BST1: variants seen among roughly 807,000 people sequenced by gnomAD.
BST1 encodes ADP-ribosyl cyclase/cyclic ADP-ribose hydrolase 2.
BST1 carries 49 observed loss-of-function variants against 40.6 expected under a neutral mutation model. The ratio of observed to expected loss-of-function variants is 1.21; its 90% CI spans 0.96 to 1.53. The LOEUF is 1.53. Among genes scored for constraint, BST1 ranks in the 40% most tolerant of loss-of-function variants. The pLI is 0.00. For synonymous variants in BST1, 157 were observed against 159.3 expected (o/e 0.99, Z 0.11); for missense variants, 423 against 395.9 (o/e 1.07, Z -0.58).
chr4:15,715,020 C>A (rs1244676552), intron 4 of BST1, among the ~76,000 whole-genome samples: 1 of 152,166 alleles, frequency 6.6e-6, no homozygotes, highest in Non-Finnish European at 1.5e-5. Context: ...CTAGTTTATT[C>A]CAGCTGATAA....
At chr4:15,755,018 A>C in the BST1 span, among the ~76,000 whole-genome samples, 1 of 152,250 alleles carries the variant, frequency 6.6e-6, no homozygotes, top group Non-Finnish European at 1.5e-5. Flanking sequence ...ATACATACAG[A>C]GATCCCTCAC....
downstream of BST1, among the ~76,000 whole-genome samples, chr4:15,739,592 T>C (rs1721688318): frequency 6.9e-6 from 1 of 144,728 alleles, no homozygotes; most frequent in Non-Finnish European, 1.5e-5. Flanking sequence ...TGTGTGTGTG[T>C]GTATTTCTCC....
At chr4:15,724,977 G>A (rs534156817) in intron 8 of BST1, among the ~76,000 whole-genome samples, 5 of 152,208 alleles carry the variant, frequency 3.3e-5, no homozygotes, top group South Asian at 2.1e-4. Context: ...GGAGGTGAGC[G>A]TCTTCAACTG....
chr4:15,731,888 T>G lies in BST1; in HGVS notation c.*43T>G. The G allele has an allele frequency of 1.3e-6, 2 of 1,586,760 alleles. No individual in the cohort carries two copies. The highest frequency in any genetic ancestry group is 1.7e-6 in the Non-Finnish European group (2 of 1,165,482). On this transcript the variant is annotated 3_prime_UTR_variant, in exon 9 of 9. Coordinates refer to ENST00000265016, the MANE Select transcript of BST1 (RefSeq NM_004334.3). ...CTAACCCTCCTCCAGCCCTGCAGCC[T>G]CCCCTTGCAGTCATCATTCGTGTTC...
At chr4:15,718,420 C>G (rs1334324512) in intron 6 of BST1, among the ~76,000 whole-genome samples, 6 of 152,144 alleles carry the variant, frequency 3.9e-5, no homozygotes, top group South Asian at 4.1e-4. Flanking sequence ...GTTAACAGAG[C>G]TATCTCTAGG....
chr4:15,745,717 G>A, the BST1 span, among the ~76,000 whole-genome samples: 2 of 152,158 alleles, frequency 1.3e-5, no homozygotes, highest in African/African-American at 4.8e-5. Flanking sequence ...GGTAGGAGGT[G>A]GAAGATGAAA....
At chr4:15,726,136 G>GTTTTTT (rs58225702) in intron 8 of BST1, among the ~76,000 whole-genome samples, 35 of 107,578 alleles carry the variant, frequency 3.3e-4, no homozygotes, top group East Asian at 2.1e-3. Context: ...AACTTTTAAA[G>GTTTTTT]TTTTTTTTTT....
intron 1 of BST1, chr4:15,705,081 C>A: frequency 1.4e-6 from 1 of 693,172 alleles, no homozygotes; most frequent in Non-Finnish European, 2.6e-6. Context: ...AAGCCTTTTG[C>A]AGCATTGGGC....
chr4:15,739,305 T>C (rs891850022), downstream of BST1, among the ~76,000 whole-genome samples: 1 of 152,258 alleles, frequency 6.6e-6, no homozygotes, highest in Non-Finnish European at 1.5e-5. Context: ...CTTTAAAACA[T>C]GTTTCAATAT....
downstream of BST1, among the ~76,000 whole-genome samples, chr4:15,742,260 G>T (rs191929170): frequency 2.0e-5 from 3 of 152,322 alleles, no homozygotes; most frequent in African/African-American, 7.2e-5. Context: ...GGTCATGGGG[G>T]TCAACCCCTC....
the BST1 span, among the ~76,000 whole-genome samples, chr4:15,771,207 A>G: frequency 1.3e-5 from 2 of 148,574 alleles, no homozygotes; most frequent in African/African-American, 4.8e-5. Flanking sequence ...CTAGGTGTGT[A>G]CATTACCAAT....
downstream of BST1, among the ~76,000 whole-genome samples, chr4:15,738,881 G>A (rs1453543101): frequency 6.6e-6 from 1 of 152,198 alleles, no homozygotes; most frequent in Admixed American, 6.5e-5. Flanking sequence ...AGTAATCCCA[G>A]TTCCACTAAC....
chr4:15,746,852 G>T, the BST1 span, among the ~76,000 whole-genome samples: 1 of 152,176 alleles, frequency 6.6e-6, no homozygotes, highest in Non-Finnish European at 1.5e-5. Context: ...CTTAGTTCTG[G>T]AGTCCATTTG....
chr4:15,748,564 C>T, the BST1 span, among the ~76,000 whole-genome samples: 1 of 152,166 alleles, frequency 6.6e-6, no homozygotes, highest in Non-Finnish European at 1.5e-5. Flanking sequence ...AGGATATCTG[C>T]CAGGGCTGGG....
At chr4:15,708,045 G>A (rs1384090941) in intron 3 of BST1, among the ~76,000 whole-genome samples, 2 of 152,180 alleles carry the variant, frequency 1.3e-5, no homozygotes, top group East Asian at 1.9e-4. Flanking sequence ...AGGGGGCATA[G>A]CTAGTAAGCA....
chr4:15,703,094 G>T lies in BST1; in HGVS notation c.-51G>T, dbSNP rs1236949077. The T allele has an allele frequency of 3.3e-6, 5 of 1,517,998 alleles. No homozygotes were observed. The highest frequency in any genetic ancestry group is 1.8e-6 in the Non-Finnish European group (2 of 1,141,258). The allele number at this position is 1,517,998 out of a possible 1,614,324, so 94.0% of individuals were successfully genotyped here. A position where few individuals can be genotyped will look rare whatever the true frequency, so the allele number is the denominator to read the frequency against. On this transcript the variant is annotated 5_prime_UTR_variant, in exon 1 of 9. Transcript: ENST00000265016. ...GTTTGCGGAACCGCCTTGGTAGAAG[G>T]AGAGAAGGGGAGTGGAGGAAGCACG... is the stretch of plus-strand genomic sequence containing the variant.
intron 1 of BST1, 84 bp from the exon 2 acceptor site, chr4:15,705,431 T>G: frequency 6.9e-7 from 1 of 1,449,044 alleles, no homozygotes. Context: ...AAATCTCTTG[T>G]AAAGCTCTTA....
chr4:15,769,771 ATGTTAG>A, the BST1 span, among the ~76,000 whole-genome samples: 1 of 152,146 alleles, frequency 6.6e-6, no homozygotes, highest in Non-Finnish European at 1.5e-5. Context: ...TACTACCAAA[ATGTTAG>A]TGGTAGTTGG....
intron 5 of BST1, 80 bp from the exon 6 acceptor site, chr4:15,715,627 T>A (rs563487373): frequency 7.6e-6 from 8 of 1,046,564 alleles, no homozygotes; most frequent in Admixed American, 2.9e-5. Context: ...TATTTTTTTT[T>A]AAGAAAGGTA....
Sources: gnomAD v4.1 joint callset for allele counts (sites outside exome capture counted in the v4.1 genomes callset) on GRCh38, gnomAD v4.1.1 for gene constraint, MANE v1.5 for transcripts, NCBI Gene and HGNC (gene_info 2026-07-23, HGNC 2026-07-21) for gene names.